Variants in DOCK5 observed in about 807,000 individuals in gnomAD.
DOCK5 encodes dedicator of cytokinesis protein 5.
A neutral mutation model predicts 251.8 loss-of-function variants in DOCK5; 142 were observed. The ratio of observed to expected loss-of-function variants is 0.56; its 90% CI spans 0.49 to 0.65. The LOEUF is 0.65. Among genes scored for constraint, DOCK5 ranks in the 30% least tolerant of loss-of-function variants. The probability of loss-of-function intolerance (pLI) is 0.00; values close to 1 mark genes in which losing one functional copy is unlikely to be tolerated. For missense variants in DOCK5, 2,111 were observed against 2,312.3 expected (o/e 0.91, Z 1.79); for synonymous variants, 842 against 835.5 (o/e 1.01, Z -0.13).
intron 27 of DOCK5, among the ~76,000 whole-genome samples, chr8:25,357,224 C>G (rs1486569899): frequency 6.6e-6 from 1 of 151,498 alleles, no homozygotes; most frequent in East Asian, 1.9e-4. Flanking sequence ...GAGTATTAAA[C>G]CTCTAATACT....
At chr8:25,242,572 T>C (rs926145400) in intron 1 of DOCK5, among the ~76,000 whole-genome samples, 3 of 152,266 alleles carry the variant, frequency 2.0e-5, no homozygotes, top group Non-Finnish European at 2.9e-5. Flanking sequence ...TGACTAATAG[T>C]GTCGAACATC....
In DOCK5 at chr8:25,268,871, A is replaced by C; in HGVS notation, c.154A>C (p.Asn52His). 6.4e-7 allele frequency: 1 copy of C among 1,558,984 alleles called. No individual in the cohort carries two copies. The highest frequency in any genetic ancestry group is 2.3e-5 in the East Asian group (1 of 43,484). ...TTGGTACAGAGGATATACCCTCCAA[A>C]ATAAATCTAAAAAGGTATGACTTAT... ...EGWYRGYTLQNKSKKGIFPET... is the reference protein window; with the variant it reads ...EGWYRGYTLQHKSKKGIFPET... The change falls in exon 3 of 52, where the codon AAT becomes CAT. Residue 52 changes from asparagine (N) to histidine (H), a missense_variant. By Grantham distance (68) the Asn-to-His change is moderately conservative. Coordinates refer to ENST00000276440, the MANE Select transcript of DOCK5 (RefSeq NM_024940.8).
chr8:25,354,993 G>T (rs1475733820), intron 27 of DOCK5, among the ~76,000 whole-genome samples: 1 of 152,152 alleles, frequency 6.6e-6, no homozygotes, highest in Non-Finnish European at 1.5e-5. Context: ...CAGCACTTTG[G>T]GAGGCTGAGG....
intron 6 of DOCK5, among the ~76,000 whole-genome samples, chr8:25,295,807 G>GTGTA (rs200092621): frequency 0.035 from 5,347 of 151,332 alleles, 329 homozygotes; most frequent in African/African-American, 0.12. Context: ...GGAGGTATGT[G>GTGTA]TGTATGTATT....
chr8:25,377,812 C>T (rs1800991145), intron 38 of DOCK5, among the ~76,000 whole-genome samples: 1 of 152,188 alleles, frequency 6.6e-6, no homozygotes, highest in East Asian at 1.9e-4. Flanking sequence ...TCTGTGTCTT[C>T]CCCCTGTGAA....
intron 18 of DOCK5, among the ~76,000 whole-genome samples, chr8:25,331,266 CACACAT>C (rs1474259126): frequency 1.3e-5 from 2 of 151,350 alleles, no homozygotes. Flanking sequence ...CACACACACA[CACACAT>C]ATATGTGTAT....
At chr8:25,304,635 A>T (rs1804854180) in intron 11 of DOCK5, 1 of 282,570 alleles carries the variant, frequency 3.5e-6, no homozygotes, top group East Asian at 6.9e-5. Context: ...GCCAAAATAT[A>T]TGTGCAGTCT....
intron 2 of DOCK5, among the ~76,000 whole-genome samples, chr8:25,251,771 A>G (rs761331073): frequency 6.6e-6 from 1 of 152,146 alleles, no homozygotes; most frequent in African/African-American, 2.4e-5. Flanking sequence ...GGCAGATCAC[A>G]TGAGGCCAGG....
At chr8:25,390,465 C>T (rs1293031062) in intron 42 of DOCK5, among the ~76,000 whole-genome samples, 178 bp downstream of exon 42, 1 of 152,188 alleles carries the variant, frequency 6.6e-6, no homozygotes, top group African/African-American at 2.4e-5. Flanking sequence ...AAGTTTGTCT[C>T]TCCCTCACAC....
chr8:25,383,931 C>G lies in DOCK5; in HGVS notation c.4131+1153C>G, dbSNP rs543114887. Among the ~76,000 whole-genome samples, 12 of 152,228 alleles carry G rather than the reference C, an allele frequency of 7.9e-5. No individual in the cohort carries two copies. The East Asian group carries it at 1.5e-3, about 20-fold the overall frequency. ...AGAATCTGTAACCAGGAAGTATTTA[C>G]CCAAGTGAAATAGAAACTTACCCTT... On this transcript the variant is annotated intron_variant, in intron 40 of 51. Coordinates refer to ENST00000276440, the MANE Select transcript of DOCK5 (RefSeq NM_024940.8).
At chr8:25,410,711 C>T (rs542784039) in intron 51 of DOCK5, among the ~76,000 whole-genome samples, 11 of 10,712 alleles carry the variant, frequency 1.0e-3, no homozygotes, top group South Asian at 4.6e-3. Flanking sequence ...ATCCCCCCCA[C>T]CCACCTCAGC....
chr8:25,400,507 A>AAAAAAAAG (rs1177140101), intron 46 of DOCK5, among the ~76,000 whole-genome samples: 4 of 151,178 alleles, frequency 2.6e-5, no homozygotes, highest in African/African-American at 4.9e-5. Context: ...CAAAAAAAAA[A>AAAAAAAAG]AAAAGAAAAG....
At chr8:25,342,098 T>G (rs1249855367) in intron 24 of DOCK5, among the ~76,000 whole-genome samples, 1 of 152,080 alleles carries the variant, frequency 6.6e-6, no homozygotes, top group Non-Finnish European at 1.5e-5. Flanking sequence ...CAGTGCAAAG[T>G]CAGACTGCAA....
At chr8:25,344,520 C>T (rs1187788680) in intron 25 of DOCK5, among the ~76,000 whole-genome samples, 1 of 152,178 alleles carries the variant, frequency 6.6e-6, no homozygotes, top group Non-Finnish European at 1.5e-5. Context: ...TGTAACTGGA[C>T]AAATGAGTGG....
At chr8:25,325,181 G>A (rs1461435262) in intron 17 of DOCK5, among the ~76,000 whole-genome samples, 183 bp from the exon 18 acceptor site, 1 of 152,130 alleles carries the variant, frequency 6.6e-6, no homozygotes, top group African/African-American at 2.4e-5. Context: ...ATTCAATCAT[G>A]AAATTATTTC....
At chr8:25,400,880 A>C in intron 46 of DOCK5, 49 bp from the exon 47 acceptor site, 1 of 1,607,296 alleles carries the variant, frequency 6.2e-7, no homozygotes, top group Non-Finnish European at 8.5e-7. Flanking sequence ...AATCAAAACG[A>C]TCCCTCTTCC....
intron 27 of DOCK5, among the ~76,000 whole-genome samples, chr8:25,354,544 A>G (rs947320700): frequency 5.3e-5 from 8 of 152,212 alleles, no homozygotes; most frequent in Non-Finnish European, 1.0e-4. Flanking sequence ...TGCTTCCGCT[A>G]ACATGAAATG....
chr8:25,307,163 A>G (rs1366735811), intron 11 of DOCK5, among the ~76,000 whole-genome samples: 5 of 151,112 alleles, frequency 3.3e-5, no homozygotes, highest in African/African-American at 4.9e-5. Flanking sequence ...CTTGTTGCCC[A>G]GGCTGGAATG....
intron 2 of DOCK5, among the ~76,000 whole-genome samples, chr8:25,251,760 G>A (rs1803275750): frequency 6.6e-6 from 1 of 152,098 alleles, no homozygotes; most frequent in South Asian, 2.1e-4. Flanking sequence ...AGGCTGAGGC[G>A]GGCAGATCAC....
Sources: gnomAD v4.1 joint callset for allele counts (sites outside exome capture counted in the v4.1 genomes callset) on GRCh38, gnomAD v4.1.1 for gene constraint, MANE v1.5 for transcripts, NCBI Gene and HGNC (gene_info 2026-07-23, HGNC 2026-07-21) for gene names.